Variants in GALNT18 observed in about 807,000 individuals in gnomAD.
The protein encoded by GALNT18 is polypeptide N-acetylgalactosaminyltransferase 18, also known as GalNAc-transferase 18.
In GALNT18, 44 loss-of-function variants were observed where a neutral mutation model predicts 69.5. The observed-to-expected ratio is 0.63, with a 90% CI of 0.50 to 0.81. The LOEUF (loss-of-function observed/expected upper bound fraction) is 0.81, where lower values mean the gene tolerates loss of function less well. GALNT18 is among the 40% of genes least tolerant of loss of function. The pLI is 0.00. For missense variants in GALNT18, 715 were observed against 810.0 expected, an observed-to-expected ratio of 0.88 and a Z score of 1.42; for synonymous variants, 364 against 318.2, an observed-to-expected ratio of 1.14 and a Z score of -1.53.
chr11:11,330,789 C>T (rs1392932757), intron 8 of GALNT18, among the ~76,000 whole-genome samples: 1 of 152,178 alleles, frequency 6.6e-6, no homozygotes, highest in African/African-American at 2.4e-5. Flanking sequence ...GATGCTTTTG[C>T]TTGGAGGATG....
At chr11:11,535,999 T>C (rs1268815420) in intron 1 of GALNT18, among the ~76,000 whole-genome samples, 1 of 152,082 alleles carries the variant, frequency 6.6e-6, no homozygotes, top group African/African-American at 2.4e-5. Context: ...GAGGTCCAAG[T>C]CCTCCACCCA....
chr11:11,340,757 T>G lies in GALNT18; in HGVS notation c.1278+62A>C. The G allele has an allele frequency of 6.8e-7, 1 of 1,478,730 alleles. No homozygotes were observed. The highest frequency in any genetic ancestry group is 9.2e-7 in the Non-Finnish European group (1 of 1,085,602). 91.6% of individuals were successfully genotyped at this position (1,478,730 alleles called of 1,614,324 possible). On this transcript the variant is annotated intron_variant, in intron 7 of 10. Transcript: ENST00000227756. The surrounding 1 kb of genome is among the most constrained non-coding windows in gnomAD (Gnocchi z 4.2). The stretch of plus-strand genomic sequence containing the variant: ...CCATAGGAAGAAGGGTTCGGTCCCA[T>G]ATCTTGTTTTGTTTGTTTTCCACCA...
At chr11:11,375,326 G>A (rs758138518) in intron 5 of GALNT18, among the ~76,000 whole-genome samples, 13 of 152,240 alleles carry the variant, frequency 8.5e-5, no homozygotes, top group Admixed American at 2.0e-4. Flanking sequence ...AAAATTGGGT[G>A]ATAGAAAATT....
intron 1 of GALNT18, among the ~76,000 whole-genome samples, chr11:11,552,970 G>GA (rs1283646100): frequency 6.6e-6 from 1 of 152,122 alleles, no homozygotes; most frequent in Non-Finnish European, 1.5e-5. Context: ...CCCATGCAAG[G>GA]GTCTCAGCCC....
chr11:11,552,167 A>G (rs1342977468), intron 1 of GALNT18, among the ~76,000 whole-genome samples: 1 of 152,138 alleles, frequency 6.6e-6, no homozygotes, highest in African/African-American at 2.4e-5. Flanking sequence ...AAGCAGCCAT[A>G]GGCCCTCTGG....
chr11:11,458,167 C>T (rs1855964545), intron 1 of GALNT18, among the ~76,000 whole-genome samples: 1 of 152,204 alleles, frequency 6.6e-6, no homozygotes, highest in Non-Finnish European at 1.5e-5. Context: ...CAAGCCTTCA[C>T]TTTCTTCACT....
rs1446230362 is a variant in GALNT18 at position 11,309,107 on chromosome 11, G to C, written c.1513-15914C>G. ...TCACTGGAGCACTGCCCTCATGAAT[G>C]GATTAGTGCCATCATCAAGGGAATG... On this transcript the variant is annotated intron_variant, in intron 9 of 10. Transcript: ENST00000227756. This position sits in a 1 kb window ranked among gnomAD's most constrained non-coding sequence, Gnocchi z 4.6. Among the ~76,000 whole-genome samples the C allele has an allele frequency of 6.6e-6, 1 of 151,832 alleles. No homozygotes were observed. The highest frequency in any genetic ancestry group is 2.4e-5 in the African/African-American group (1 of 41,338).
chr11:11,370,996 C>G (rs1241383153), intron 6 of GALNT18, among the ~76,000 whole-genome samples: 2 of 152,194 alleles, frequency 1.3e-5, no homozygotes. Context: ...GAGAGAGCTG[C>G]AGAAACGAGG....
intron 8 of GALNT18, among the ~76,000 whole-genome samples, chr11:11,331,306 TC>T (rs1850013250): frequency 6.6e-6 from 1 of 152,114 alleles, no homozygotes; most frequent in South Asian, 2.1e-4. Flanking sequence ...ATGGGGACAC[TC>T]ATGGGAGGAT....
At chr11:11,410,083 C>T (rs1854693191) in intron 3 of GALNT18, among the ~76,000 whole-genome samples, 1 of 152,186 alleles carries the variant, frequency 6.6e-6, no homozygotes, top group Non-Finnish European at 1.5e-5. Context: ...CCCTGGCCCT[C>T]CCACAGGGGA....
chr11:11,392,790 TC>T lies in GALNT18; in HGVS notation c.596-13527del, dbSNP rs1178294205. Among the ~76,000 whole-genome samples, 4 of 152,300 alleles carry T rather than the reference TC, an allele frequency of 2.6e-5. No individual in the cohort carries two copies. In the South Asian group the frequency reaches 8.3e-4, roughly 32 times the overall value. On this transcript the variant is annotated intron_variant, in intron 3 of 10. Coordinates refer to ENST00000227756, the MANE Select transcript of GALNT18 (RefSeq NM_198516.3). ...TGCAAGTTCAACAGCATTACAGCCATCTTTTTAAATTTTATTTTTAATTATT... is the reference window on the plus strand; with the variant it reads ...TGCAAGTTCAACAGCATTACAGCCATTTTTTAAATTTTATTTTTAATTATT...
rs191898393 is a variant in GALNT18 at position 11,283,863 on chromosome 11, G to C, written c.1677+9166C>G. On this transcript the variant is annotated intron_variant, in intron 10 of 10. Transcript: ENST00000227756. The stretch of plus-strand genomic sequence containing the variant: ...AACCAAATTAAATATGGAAACATCA[G>C]CTAAAAGAAAAAAATCAAATTTGAA... Among the ~76,000 whole-genome samples, 14 of 152,250 alleles carry C rather than the reference G, an allele frequency of 9.2e-5. No individual in the cohort carries two copies. In the East Asian group the frequency reaches 2.7e-3, roughly 29 times the overall value.
At chr11:11,577,942 AT>A (rs1201191488) in intron 1 of GALNT18, among the ~76,000 whole-genome samples, 1 of 152,216 alleles carries the variant, frequency 6.6e-6, no homozygotes, top group Non-Finnish European at 1.5e-5. Flanking sequence ...GCAAGAAGCA[AT>A]TTGATAGGAG....
At chr11:11,302,023 A>G (rs766324649) in intron 9 of GALNT18, among the ~76,000 whole-genome samples, 3 of 152,232 alleles carry the variant, frequency 2.0e-5, no homozygotes, top group Non-Finnish European at 4.4e-5. Context: ...ATGTTTGTCA[A>G]GGACAAGGGA....
At chr11:11,513,985 TC>T (rs11298207) in intron 1 of GALNT18, among the ~76,000 whole-genome samples, 105,460 of 151,944 alleles carry the variant, frequency 0.69, 36,927 homozygotes, top group East Asian at 0.87. Context: ...GAGTGCTGGT[TC>T]CCCCCAAGGG....
intron 1 of GALNT18, among the ~76,000 whole-genome samples, chr11:11,520,086 G>GGC (rs1386874887): frequency 6.6e-6 from 1 of 152,228 alleles, no homozygotes; most frequent in Non-Finnish European, 1.5e-5. Flanking sequence ...CCTGTGGGTA[G>GGC]GCCCCTGGAG....
intron 1 of GALNT18, among the ~76,000 whole-genome samples, chr11:11,471,532 G>T (rs1008201482): frequency 6.6e-6 from 1 of 152,086 alleles, no homozygotes; most frequent in African/African-American, 2.4e-5. Context: ...GATTCCCCAG[G>T]TCTCTTTCAA....
At chr11:11,478,659 T>A (rs1856453775) in intron 1 of GALNT18, among the ~76,000 whole-genome samples, 2 of 152,234 alleles carry the variant, frequency 1.3e-5, no homozygotes. Context: ...TTAATTTTCT[T>A]TATAAAAGGG....
intron 1 of GALNT18, among the ~76,000 whole-genome samples, chr11:11,531,703 G>A (rs1857652571): frequency 6.6e-6 from 1 of 152,138 alleles, no homozygotes; most frequent in Non-Finnish European, 1.5e-5. Flanking sequence ...ACCCTACCCT[G>A]GTAACACTAT....
Sources: gnomAD v4.1 joint callset for allele counts (sites outside exome capture counted in the v4.1 genomes callset) on GRCh38, gnomAD v4.1.1 for gene constraint, Gnocchi (gnomAD v3.1) non-coding constraint, MANE v1.5 for transcripts, NCBI Gene and HGNC (gene_info 2026-07-23, HGNC 2026-07-21) for gene names.